Variants in ASTN2 observed in about 807,000 individuals in gnomAD.
The protein encoded by ASTN2 is astrotactin 2.
Under a neutral mutation model 139.8 loss-of-function variants are expected in ASTN2, and 54 were observed. That is an observed-to-expected ratio of 0.39 (90% CI 0.31 to 0.48). The LOEUF (loss-of-function observed/expected upper bound fraction) is 0.48. ASTN2 is among the 20% of genes least tolerant of loss of function. The probability of loss-of-function intolerance (pLI) is 0.95; values close to 1 mark genes in which losing one functional copy is unlikely to be tolerated. For missense variants in ASTN2, 1,565 were observed against 1,725.1 expected (o/e 0.91, Z 1.64); for synonymous variants, 756 against 719.5 (o/e 1.05, Z -0.81).
chr9:116,764,129 C>G (rs1194697574), intron 13 of ASTN2, among the ~76,000 whole-genome samples: 1 of 152,202 alleles, frequency 6.6e-6, no homozygotes, highest in Non-Finnish European at 1.5e-5. Context: ...CAAGGTCATA[C>G]AGCTAGTGTG....
chr9:116,602,473 A>G (rs2052628298), intron 19 of ASTN2, among the ~76,000 whole-genome samples: 2 of 152,226 alleles, frequency 1.3e-5, no homozygotes, highest in African/African-American at 4.8e-5. Flanking sequence ...GAAATACTGC[A>G]ATGAAAAGAT....
intron 2 of ASTN2, among the ~76,000 whole-genome samples, chr9:117,251,359 A>T (rs1460057147): frequency 1.3e-5 from 2 of 151,748 alleles, no homozygotes; most frequent in East Asian, 3.9e-4. Flanking sequence ...TCTCTATCCC[A>T]TTACCCTACT....
intron 3 of ASTN2, among the ~76,000 whole-genome samples, chr9:117,146,871 G>C (rs1830210165): frequency 6.6e-6 from 1 of 152,094 alleles, no homozygotes; most frequent in Non-Finnish European, 1.5e-5. Flanking sequence ...ATAATTTATT[G>C]TATTTTTTCA....
intron 7 of ASTN2, among the ~76,000 whole-genome samples, chr9:116,985,364 G>A (rs144819496): frequency 6.6e-6 from 1 of 152,178 alleles, no homozygotes; most frequent in Non-Finnish European, 1.5e-5. Context: ...TGGTGATCAG[G>A]TCTGATAAGA....
At chr9:116,465,230 G>A (rs986910893) in intron 20 of ASTN2, among the ~76,000 whole-genome samples, 2 of 152,128 alleles carry the variant, frequency 1.3e-5, no homozygotes, top group Admixed American at 6.5e-5. Flanking sequence ...GAACTCAGGC[G>A]ACCCTGTGCA....
At chr9:117,139,718 G>C (rs1435171459) in intron 4 of ASTN2, among the ~76,000 whole-genome samples, 15 of 152,136 alleles carry the variant, frequency 9.9e-5, no homozygotes, top group Admixed American at 9.8e-4. Flanking sequence ...GTCTAGCTAA[G>C]GAAAGAGCCA....
chr9:116,806,691 T>C (rs1831038218), intron 12 of ASTN2, among the ~76,000 whole-genome samples: 1 of 152,160 alleles, frequency 6.6e-6, no homozygotes, highest in South Asian at 2.1e-4. Context: ...GAGTGAGTCA[T>C]TTAACTTCTA....
At chr9:117,392,080 T>G (rs1050435227) in intron 1 of ASTN2, among the ~76,000 whole-genome samples, 1 of 152,154 alleles carries the variant, frequency 6.6e-6, no homozygotes, top group African/African-American at 2.4e-5. Context: ...AGAAGAGGCA[T>G]GATTTGATGT....
intron 11 of ASTN2, among the ~76,000 whole-genome samples, chr9:116,824,374 C>A (rs1831566446): frequency 1.2e-5 from 1 of 82,392 alleles, no homozygotes; most frequent in Admixed American, 1.7e-4. Context: ...TCTTTCTCTC[C>A]CTCTGTCTGT....
chr9:117,274,712 C>G (rs1238942246), intron 2 of ASTN2, among the ~76,000 whole-genome samples: 1 of 152,220 alleles, frequency 6.6e-6, no homozygotes, highest in Non-Finnish European at 1.5e-5. Context: ...ATCAAGGCCT[C>G]ACTCCATCAC....
chr9:116,877,938 C>T (rs764219559), intron 10 of ASTN2, among the ~76,000 whole-genome samples: 1 of 152,068 alleles, frequency 6.6e-6, no homozygotes, highest in Non-Finnish European at 1.5e-5. Flanking sequence ...ATTCATGTGG[C>T]CAACAAACAT....
At chr9:116,503,039 AAAG>A (rs1476702340) in intron 19 of ASTN2, among the ~76,000 whole-genome samples, 6 of 149,668 alleles carry the variant, frequency 4.0e-5, no homozygotes, top group Admixed American at 2.7e-4. Context: ...AGGAGGAAGG[AAAG>A]AAGAAGGGAA....
chr9:117,086,082 C>T (rs1395729158), intron 5 of ASTN2, among the ~76,000 whole-genome samples: 1 of 152,158 alleles, frequency 6.6e-6, no homozygotes, highest in African/African-American at 2.4e-5. Flanking sequence ...AGAGATAATT[C>T]AATAAAACTA....
At chr9:117,061,786 C>G (rs191818139) in intron 5 of ASTN2, among the ~76,000 whole-genome samples, 135 of 152,154 alleles carry the variant, frequency 8.9e-4, no homozygotes, top group African/African-American at 3.1e-3. Context: ...CAATTCAGTT[C>G]TTCAAAGACT....
At chr9:116,469,746 G>A (rs890383643) in intron 20 of ASTN2, among the ~76,000 whole-genome samples, 4 of 152,144 alleles carry the variant, frequency 2.6e-5, no homozygotes, top group Non-Finnish European at 4.4e-5. Context: ...GCAATTGAGT[G>A]TACACAGATA....
At chr9:116,962,039 A>G (rs1835888100) in intron 10 of ASTN2, among the ~76,000 whole-genome samples, 1 of 152,228 alleles carries the variant, frequency 6.6e-6, no homozygotes, top group African/African-American at 2.4e-5. Flanking sequence ...TGAATGGCAG[A>G]GCTAGGATTT....
intron 11 of ASTN2, among the ~76,000 whole-genome samples, chr9:116,858,663 T>A (rs1303571308): frequency 6.6e-6 from 1 of 152,136 alleles, no homozygotes; most frequent in Non-Finnish European, 1.5e-5. Flanking sequence ...ATACAACAAT[T>A]TTTCACTCTT....
chr9:116,729,148 AC>A, intron 14 of ASTN2, 52 bp from the exon 15 acceptor site: 1 of 1,367,652 alleles, frequency 7.3e-7, no homozygotes, highest in Non-Finnish European at 1.0e-6. Context: ...GACGCTTCAC[AC>A]CACATTGTTC....
At chr9:116,944,621 G>A (rs1168008458) in intron 10 of ASTN2, among the ~76,000 whole-genome samples, 1 of 145,450 alleles carries the variant, frequency 6.9e-6, no homozygotes, top group African/African-American at 2.6e-5. Context: ...GACGGATGCT[G>A]CAGTGAGTCG....
Sources: allele counts gnomAD v4.1 joint callset (sites outside exome capture counted in the v4.1 genomes callset), GRCh38; gene constraint gnomAD v4.1.1; transcripts MANE v1.5; gene names NCBI Gene and HGNC (gene_info 2026-07-23, HGNC 2026-07-21).